RFX7: variants seen among roughly 807,000 people sequenced by gnomAD.
RFX7 encodes DNA-binding protein RFX7.
RFX7 carries 26 observed loss-of-function variants against 111.8 expected under a neutral mutation model. The ratio of observed to expected loss-of-function variants is 0.23; its 90% CI spans 0.17 to 0.32. The LOEUF (loss-of-function observed/expected upper bound fraction) is 0.32, where lower values mean the gene tolerates loss of function less well. Among genes scored for constraint, RFX7 ranks in the 10% least tolerant of loss-of-function variants. The pLI, the probability that RFX7 is intolerant of heterozygous loss-of-function variation, is 1.00. For synonymous variants in RFX7, 624 were observed against 624.4 expected (o/e 1.00, Z 0.01); for missense variants, 1,573 against 1,772.9 (o/e 0.89, Z 2.02).
At chr15:56,122,152 C>T (rs2042087240) in intron 5 of RFX7, among the ~76,000 whole-genome samples, 1 of 152,106 alleles carries the variant, frequency 6.6e-6, no homozygotes, top group African/African-American at 2.4e-5. Context: ...TGTTTGTACC[C>T]ATCCTACTGG....
chr15:56,210,428 G>T (rs1049492062), intron 2 of RFX7, among the ~76,000 whole-genome samples: 3 of 152,018 alleles, frequency 2.0e-5, no homozygotes, highest in Non-Finnish European at 4.4e-5. Context: ...ATGAAATCAG[G>T]AAGGACAGAG....
At chr15:56,109,171 G>T (rs374441607) in intron 5 of RFX7, among the ~76,000 whole-genome samples, 2 of 152,116 alleles carry the variant, frequency 1.3e-5, no homozygotes, top group Non-Finnish European at 2.9e-5. Context: ...TCAGCCTGCC[G>T]AGTGCCTGCG....
At chr15:56,239,336 T>G (rs150383660) in intron 2 of RFX7, among the ~76,000 whole-genome samples, 9 of 151,986 alleles carry the variant, frequency 5.9e-5, no homozygotes, top group Non-Finnish European at 1.2e-4. Context: ...TGGTGCAATC[T>G]CGGCTCACAG....
chr15:56,238,058 A>T lies in RFX7; in HGVS notation c.161+5067T>A, dbSNP rs374097030. ...AATCATAGACTTTCAGTTAAAGTAA[A>T]CTCTAAAGTTATGAATTTATAGTAC... On this transcript the variant is annotated intron_variant, in intron 2 of 9. Transcript: ENST00000559447. 6.6e-5 allele frequency among the ~76,000 whole-genome samples: 10 copies of T among 152,252 alleles called. No individual in the cohort carries two copies. In the East Asian group the frequency reaches 1.7e-3, roughly 26 times the overall value.
intron 5 of RFX7, among the ~76,000 whole-genome samples, chr15:56,121,836 T>C (rs562363776): frequency 5.9e-5 from 9 of 152,326 alleles, no homozygotes; most frequent in South Asian, 2.1e-4. Context: ...AGTGTATTAA[T>C]TGCATCTTTC....
At chr15:56,238,540 T>C (rs2043649693) in intron 2 of RFX7, among the ~76,000 whole-genome samples, 1 of 152,170 alleles carries the variant, frequency 6.6e-6, no homozygotes, top group Non-Finnish European at 1.5e-5. Flanking sequence ...AGGTCTTCTG[T>C]CATTGTTTAT....
chr15:56,225,676 A>T (rs1473662597), intron 2 of RFX7, among the ~76,000 whole-genome samples: 3 of 152,164 alleles, frequency 2.0e-5, no homozygotes, highest in Non-Finnish European at 4.4e-5. Context: ...AGGTGCCTGC[A>T]ACAGGTTGAA....
chr15:56,222,835 GCTT>G (rs1164388016), intron 2 of RFX7, among the ~76,000 whole-genome samples: 1 of 151,968 alleles, frequency 6.6e-6, no homozygotes, highest in Non-Finnish European at 1.5e-5. Flanking sequence ...ATAGTTCCCT[GCTT>G]CTTCATTTGT....
Position 56,242,391 on chromosome 15 carries a change from T to C in RFX7, c.161+734A>G, listed in dbSNP as rs73411522. Among the ~76,000 whole-genome samples the C allele has an allele frequency of 5.3e-3, 806 of 152,274 alleles. 10 individuals are homozygous for C. Among genetic ancestry groups the C allele is most frequent in the African/African-American group, 0.018 (751 of 41,534 alleles). On this transcript the variant is annotated intron_variant, in intron 2 of 9. Transcript: ENST00000559447. The stretch of plus-strand genomic sequence containing the variant: ...ACTTTAGGAGTTTAATGCTGAAATA[T>C]TGGAAATTTTCATACAAGAAAGTAA...
chr15:56,140,437 C>G (rs959615744), intron 5 of RFX7, among the ~76,000 whole-genome samples: 1 of 152,198 alleles, frequency 6.6e-6, no homozygotes, highest in Non-Finnish European at 1.5e-5. Flanking sequence ...TGACCCCTTG[C>G]GCTTCCCAAG....
chr15:56,137,721 A>G (rs1473630935), intron 5 of RFX7, among the ~76,000 whole-genome samples: 2 of 152,014 alleles, frequency 1.3e-5, no homozygotes, highest in South Asian at 2.1e-4. Flanking sequence ...TGTCAATTTT[A>G]GATCTTTCCT....
At chr15:56,205,729 G>T (rs970743532) in intron 2 of RFX7, among the ~76,000 whole-genome samples, 6 of 152,102 alleles carry the variant, frequency 3.9e-5, no homozygotes, top group Non-Finnish European at 8.8e-5. Flanking sequence ...TATTAGTGAA[G>T]CATGACTAAG....
At chr15:56,231,820 G>T (rs1201355343) in intron 2 of RFX7, among the ~76,000 whole-genome samples, 3 of 152,140 alleles carry the variant, frequency 2.0e-5, no homozygotes, top group Non-Finnish European at 4.4e-5. Flanking sequence ...AGATACAATG[G>T]GGGTACAGGC....
chr15:56,108,342 C>G (rs1285957309), intron 5 of RFX7, among the ~76,000 whole-genome samples: 5 of 152,166 alleles, frequency 3.3e-5, no homozygotes, highest in African/African-American at 1.2e-4. Context: ...TATCAAAAAG[C>G]TTATCCACCA....
At chr15:56,214,156 G>C (rs1273681124) in intron 2 of RFX7, among the ~76,000 whole-genome samples, 2 of 152,136 alleles carry the variant, frequency 1.3e-5, no homozygotes, top group African/African-American at 4.8e-5. Context: ...TGTAATTATA[G>C]TAACTCTTGG....
At chr15:56,184,173 C>G (rs2043009479) in intron 2 of RFX7, among the ~76,000 whole-genome samples, 2 of 150,862 alleles carry the variant, frequency 1.3e-5, no homozygotes, top group Non-Finnish European at 3.0e-5. Flanking sequence ...GCATGTGCCA[C>G]CACACCTGGC....
At chr15:56,243,066 C>CCCCGATG in intron 2 of RFX7, 59 bp downstream of exon 2, 1 of 1,161,764 alleles carries the variant, frequency 8.6e-7, no homozygotes, top group Non-Finnish European at 1.2e-6. Flanking sequence ...GCCCCCCACC[C>CCCCGATG]ACTTTGCAGC....
chr15:56,088,437 C>T lies in RFX7; in HGVS notation c.*4908G>A, dbSNP rs1232039227. On this transcript the variant is annotated 3_prime_UTR_variant, in exon 10 of 10. Transcript: ENST00000559447. ...AATACTCTATATACCACAGTAATAT[C>T]ACTCTCATGATATATTTTATTTATA... 1 of 152,134 alleles carries T rather than the reference C, an allele frequency of 6.6e-6. No individual in the cohort carries two copies. The highest frequency in any genetic ancestry group is 2.4e-5 in the African/African-American group (1 of 41,430). 9.4% of individuals were successfully genotyped at this position (152,134 alleles called of 1,614,324 possible). A position where few individuals can be genotyped will look rare whatever the true frequency, so the allele number is the denominator to read the frequency against.
chr15:56,167,794 T>C (rs2042800904), intron 3 of RFX7, among the ~76,000 whole-genome samples: 1 of 152,222 alleles, frequency 6.6e-6, no homozygotes, highest in African/African-American at 2.4e-5. Context: ...GTCTTCATAA[T>C]TGGAATCAAC....
Sources: gnomAD v4.1 joint callset for allele counts (sites outside exome capture counted in the v4.1 genomes callset) on GRCh38, gnomAD v4.1.1 for gene constraint, MANE v1.5 for transcripts, NCBI Gene and HGNC (gene_info 2026-07-23, HGNC 2026-07-21) for gene names.